The following TXNRD1 variants were observed in gnomAD, a reference collection of about 807,000 sequenced individuals.
TXNRD1 encodes thioredoxin reductase 1, cytoplasmic.
Under a neutral mutation model 80.3 loss-of-function variants are expected in TXNRD1, and 57 were observed. The ratio of observed to expected loss-of-function variants is 0.71; its 90% CI spans 0.57 to 0.89. TXNRD1 has a LOEUF of 0.89. TXNRD1 is among the 40% of genes least tolerant of loss of function. The probability of loss-of-function intolerance (pLI) is 0.00; values close to 1 mark genes in which losing one functional copy is unlikely to be tolerated. For missense variants in TXNRD1, 730 were observed against 803.0 expected (o/e 0.91, Z 1.10); for synonymous variants, 291 against 285.2 (o/e 1.02, Z -0.20).
chr12:104,217,090 A>G (rs2032232223), intron 1 of TXNRD1, among the ~76,000 whole-genome samples: 1 of 152,082 alleles, frequency 6.6e-6, no homozygotes. Context: ...AGGGAAGAAT[A>G]AAGGAACAGG....
At chr12:104,293,028 A>AC (rs924678310) in intron 4 of TXNRD1, among the ~76,000 whole-genome samples, 1 of 152,218 alleles carries the variant, frequency 6.6e-6, no homozygotes, top group Non-Finnish European at 1.5e-5. Context: ...ATGGTTAAGA[A>AC]CTATGAATAG....
At chr12:104,321,402 T>C in intron 10 of TXNRD1, 86 bp downstream of exon 10, 1 of 1,057,268 alleles carries the variant, frequency 9.5e-7, no homozygotes, top group Non-Finnish European at 1.4e-6. Flanking sequence ...GAAGCATCCT[T>C]TCAGCATTAT....
chr12:104,287,662 C>G (rs577985994), intron 3 of TXNRD1, among the ~76,000 whole-genome samples: 1 of 152,132 alleles, frequency 6.6e-6, no homozygotes, highest in East Asian at 1.9e-4. Context: ...AGTGGCGTGC[C>G]CAGCTGGACA....
At chr12:104,347,333 A>G (rs975418398) in intron 16 of TXNRD1, among the ~76,000 whole-genome samples, 1 of 152,178 alleles carries the variant, frequency 6.6e-6, no homozygotes. Flanking sequence ...GACTTTTCTC[A>G]GTATTGTTCC....
At chr12:104,239,231 C>T (rs111298360) in intron 1 of TXNRD1, among the ~76,000 whole-genome samples, 28,075 of 147,736 alleles carry the variant, frequency 0.19, 2,923 homozygotes, top group African/African-American at 0.29. Context: ...TTCGCTCTTG[C>T]TCCACAGGCT....
intron 1 of TXNRD1, among the ~76,000 whole-genome samples, chr12:104,218,624 CT>C (rs11391182): frequency 8.1e-5 from 12 of 147,558 alleles, no homozygotes; most frequent in Middle Eastern, 3.5e-3. Flanking sequence ...TCTTTTCTTT[CT>C]TTTTTTTTTT....
intron 3 of TXNRD1, chr12:104,265,330 C>T (rs568942161): frequency 1.2e-5 from 20 of 1,609,290 alleles, no homozygotes; most frequent in East Asian, 4.5e-5. Context: ...GGGCACGCTA[C>T]GAGAGTACAA....
intron 1 of TXNRD1, among the ~76,000 whole-genome samples, chr12:104,241,084 GGCTGGAGT>G (rs1257529365): frequency 2.8e-4 from 43 of 151,026 alleles, no homozygotes; most frequent in African/African-American, 1.0e-3. Flanking sequence ...CTGTCGCCCA[GGCTGGAGT>G]GCAGTGGCAT....
intron 4 of TXNRD1, chr12:104,291,196 CTTT>C (rs35069007): frequency 0.037 from 5,058 of 135,588 alleles, 1 homozygote; most frequent in South Asian, 0.076. Context: ...TACTTTGTGT[CTTT>C]TTTTTTTTTT....
At chr12:104,239,194 ATTT>A (rs34563849) in intron 1 of TXNRD1, among the ~76,000 whole-genome samples, 8 of 139,270 alleles carry the variant, frequency 5.7e-5, no homozygotes, top group Non-Finnish European at 6.2e-5. Context: ...CTTTGTGGGA[ATTT>A]TTTTTTTTTT....
At chr12:104,256,499 G>A (rs1182303093) in intron 2 of TXNRD1, among the ~76,000 whole-genome samples, 1 of 152,128 alleles carries the variant, frequency 6.6e-6, no homozygotes, top group Non-Finnish European at 1.5e-5. Flanking sequence ...AAAGGCTACT[G>A]GCTGCGTATG....
At chr12:104,241,619 C>T (rs2032868490) in intron 1 of TXNRD1, among the ~76,000 whole-genome samples, 1 of 152,358 alleles carries the variant, frequency 6.6e-6, no homozygotes, top group South Asian at 2.1e-4. Context: ...TTGCCCGCCT[C>T]AGCCTCCCAA....
chr12:104,277,698 G>T (rs988745711), intron 3 of TXNRD1, among the ~76,000 whole-genome samples: 3 of 149,074 alleles, frequency 2.0e-5, no homozygotes, highest in Admixed American at 6.7e-5. Context: ...GGTTACCGGG[G>T]TTTTTTTTTT....
rs1239644255 is a variant in TXNRD1, at chr12:104,349,420, A to T, written c.*999A>T. 1 of 152,622 alleles carries T rather than the reference A, an allele frequency of 6.6e-6. No individual in the cohort carries two copies. The highest frequency in any genetic ancestry group is 1.5e-5 in the Non-Finnish European group (1 of 68,042). 9.5% of individuals were successfully genotyped at this position (152,622 alleles called of 1,614,324 possible). On this transcript the variant is annotated 3_prime_UTR_variant, in exon 17 of 17. Transcript: ENST00000525566. ...ATAAGTCTTTTCATGCTTATGATTT[A>T]GCTGTTTTGTGGTAATTGCTTTTTA...
At chr12:104,265,815 C>A in intron 3 of TXNRD1, 1 of 1,497,196 alleles carries the variant, frequency 6.7e-7, no homozygotes, top group East Asian at 2.3e-5. Context: ...GCTTCACCAC[C>A]AAGAGGCCCA....
At position 104,264,440 on chromosome 12, in the gene TXNRD1, A is replaced by G. The variant is rs116949516; in HGVS notation, c.304+6361A>G. ...TTTCTCCCATAGCGAATGAGGAGAC[A>G]TGGGAGGTTGTTCTATTTATTTTAT... On this transcript the variant is annotated intron_variant, in intron 3 of 16. Transcript: ENST00000525566. Among the ~76,000 whole-genome samples, 155 of 152,356 alleles carry G rather than the reference A, an allele frequency of 1.0e-3. No homozygotes were observed. In the East Asian group the frequency reaches 0.02, roughly 20 times the overall value.
intron 4 of TXNRD1, chr12:104,303,617 G>A (rs2034734402): frequency 3.0e-6 from 1 of 333,460 alleles, no homozygotes; most frequent in African/African-American, 2.2e-5. Context: ...TGCGCGTGTT[G>A]GGAGCGCCGC....
At chr12:104,303,912 AGGC>A (rs1354596203) in intron 4 of TXNRD1, 1 of 1,561,764 alleles carries the variant, frequency 6.4e-7, no homozygotes, top group Non-Finnish European at 8.6e-7. Flanking sequence ...GCGGCGAAGT[AGGC>A]GGCGGCGGAG....
chr12:104,339,235 C>G lies in TXNRD1; in HGVS notation c.1843C>G (p.Leu615Val). 6.2e-7 allele frequency: 1 copy of G among 1,613,924 alleles called. No individual in the cohort carries two copies. Among genetic ancestry groups the G allele is most frequent in the South Asian group, 1.1e-5 (1 of 91,076 alleles). Residue 615 changes from leucine to valine, a missense_variant, in exon 16 of 17, where the codon CTG becomes GTG. By Grantham distance (32) the Leu-to-Val change is conservative. Coordinates refer to ENST00000525566, the MANE Select transcript of TXNRD1 (RefSeq NM_001093771.3). ...ALKCGLTKKQLDSTIGIHPVC... is the reference protein window; with the variant it reads ...ALKCGLTKKQVDSTIGIHPVC... ...CAAATGTGGACTGACCAAAAAGCAG[C>G]TGGACAGCACAATTGGAATCCACCC...
Sources: gnomAD v4.1 joint callset for allele counts (sites outside exome capture counted in the v4.1 genomes callset) on GRCh38, gnomAD v4.1.1 for gene constraint, MANE v1.5 for transcripts, NCBI Gene and HGNC (gene_info 2026-07-23, HGNC 2026-07-21) for gene names.